Variants in PRKG2 observed in about 807,000 individuals in gnomAD.
PRKG2 encodes the protein cGMP-dependent protein kinase 2.
Under a neutral mutation model 97.2 loss-of-function variants are expected in PRKG2, and 33 were observed. The ratio of observed to expected loss-of-function variants is 0.34; its 90% CI spans 0.26 to 0.45. PRKG2 has a LOEUF of 0.45. PRKG2 is among the 20% of genes least tolerant of loss of function. The pLI, the probability that PRKG2 is intolerant of heterozygous loss-of-function variation, is 1.00. For missense variants in PRKG2, 638 were observed against 900.0 expected, an observed-to-expected ratio of 0.71 and a Z score of 3.73; for synonymous variants, 330 against 321.8, an observed-to-expected ratio of 1.03 and a Z score of -0.27.
chr4:81,144,788 T>C (rs1747695459), intron 9 of PRKG2, among the ~76,000 whole-genome samples: 2 of 123,588 alleles, frequency 1.6e-5, no homozygotes. Flanking sequence ...CCCCGGTGTG[T>C]CATGTTCCCC....
chr4:81,167,244 C>A lies in PRKG2; in HGVS notation c.849-20G>T, dbSNP rs766217042. On this transcript the variant is annotated intron_variant, in intron 5 of 18. Transcript: ENST00000264399. Reference sequence around the variant, plus strand: ...GATACACTTCAAAATTAAAAAGAAACCTTCAATTACCTTCCTGAATTAAAC... The same window carrying A: ...GATACACTTCAAAATTAAAAAGAAAACTTCAATTACCTTCCTGAATTAAAC... 3 of 1,439,788 alleles carry A rather than the reference C, an allele frequency of 2.1e-6. No individual in the cohort carries two copies. The highest frequency in any genetic ancestry group is 1.3e-5 in the South Asian group (1 of 79,260). The allele number at this position is 1,439,788 out of a possible 1,614,324, so 89.2% of individuals were successfully genotyped here.
intron 1 of PRKG2, among the ~76,000 whole-genome samples, chr4:81,205,602 G>A (rs953043745): frequency 1.3e-5 from 2 of 152,176 alleles, no homozygotes; most frequent in Non-Finnish European, 2.9e-5. Flanking sequence ...CCTGCTGTAT[G>A]TATCTATTAA....
intron 4 of PRKG2, among the ~76,000 whole-genome samples, chr4:81,170,366 TA>T (rs1271459449): frequency 6.6e-6 from 1 of 152,086 alleles, no homozygotes; most frequent in African/African-American, 2.4e-5. Flanking sequence ...GTATAAAATT[TA>T]AAAAGAAAGT....
chr4:81,096,736 A>G (rs767569018), intron 17 of PRKG2, among the ~76,000 whole-genome samples: 4 of 152,166 alleles, frequency 2.6e-5, no homozygotes, highest in African/African-American at 9.7e-5. Context: ...TCATCTGTTC[A>G]AGTTTCATCA....
At position 81,204,995 on chromosome 4, in the gene PRKG2, G is replaced by A. The variant is rs755518936; in HGVS notation, c.53C>T (p.Ser18Phe). 1.2e-6 allele frequency: 2 copies of A among 1,613,882 alleles called. No homozygotes were observed. The highest frequency in any genetic ancestry group is 8.5e-7 in the Non-Finnish European group (1 of 1,180,002). The change falls in exon 2 of 19, where the codon TCT becomes TTT. Residue 18 changes from serine (S) to phenylalanine (F), a missense_variant. Coordinates refer to ENST00000264399, the MANE Select transcript of PRKG2 (RefSeq NM_006259.3). ...CAGAGCATCAGTGGTGAGGTTCCCA[G>A]AGTGTCCATCTGGGTGCTTAGAATG... The part of the protein sequence containing the change: ...PKHSKHPDGH[S>F]GNLTTDALRN...
At chr4:81,209,567 T>C (rs898054824) in intron 1 of PRKG2, among the ~76,000 whole-genome samples, 3 of 152,050 alleles carry the variant, frequency 2.0e-5, no homozygotes, top group African/African-American at 4.8e-5. Context: ...CATAGAGAGA[T>C]AGACAAAACA....
chr4:81,195,018 T>C (rs889483393), intron 2 of PRKG2, among the ~76,000 whole-genome samples: 3 of 152,124 alleles, frequency 2.0e-5, no homozygotes, highest in Non-Finnish European at 2.9e-5. Context: ...CAGGCATCAG[T>C]ACTTCTTATT....
Position 81,087,990 on chromosome 4 carries a change from A to T in PRKG2, c.*1718T>A, listed in dbSNP as rs953146180. 4 of 152,278 alleles carry T rather than the reference A, an allele frequency of 2.6e-5. No individual in the cohort carries two copies. Among genetic ancestry groups the T allele is most frequent in the African/African-American group, 9.6e-5 (4 of 41,586 alleles). The allele number at this position is 152,278 out of a possible 1,614,324, so 9.4% of individuals were successfully genotyped here. A position where few individuals can be genotyped will look rare whatever the true frequency, so the allele number is the denominator to read the frequency against. The stretch of plus-strand genomic sequence containing the variant: ...TTCTATCTTTATAGGTTGGAAATTT[A>T]AAAATATATACATGGAAAAACATAC... On this transcript the variant is annotated 3_prime_UTR_variant, in exon 19 of 19. Coordinates refer to ENST00000264399, the MANE Select transcript of PRKG2 (RefSeq NM_006259.3).
chr4:81,174,296 T>A (rs1007692104), intron 3 of PRKG2, among the ~76,000 whole-genome samples: 1 of 152,096 alleles, frequency 6.6e-6, no homozygotes, highest in African/African-American at 2.4e-5. Flanking sequence ...AGAACCACAA[T>A]AATAATTGTT....
At position 81,153,827 on chromosome 4, in the gene PRKG2, G is replaced by C; in HGVS notation, c.913-106C>G. On this transcript the variant is annotated intron_variant, in intron 6 of 18. Coordinates refer to ENST00000264399, the MANE Select transcript of PRKG2 (RefSeq NM_006259.3). Reference sequence around the variant, plus strand: ...CCCAGCGTGAGCGGCGCAGAAGACGGGTGATTTCTGTATTTCCATCTGAGG... The same window carrying C: ...CCCAGCGTGAGCGGCGCAGAAGACGCGTGATTTCTGTATTTCCATCTGAGG... 9.3e-6 allele frequency: 7 copies of C among 755,488 alleles called. No individual in the cohort carries two copies. The South Asian group carries it at 1.1e-4, about 12-fold the overall frequency. 46.8% of individuals were successfully genotyped at this position (755,488 alleles called of 1,614,324 possible). A position where few individuals can be genotyped will look rare whatever the true frequency, so the allele number is the denominator to read the frequency against.
At chr4:81,140,105 T>C (rs1329807486) in intron 12 of PRKG2, among the ~76,000 whole-genome samples, 1 of 152,022 alleles carries the variant, frequency 6.6e-6, no homozygotes, top group African/African-American at 2.4e-5. Context: ...ATCAAAGCAA[T>C]TGAATTCATG....
chr4:81,192,332 A>C (rs571700967), intron 2 of PRKG2: 11 of 152,216 alleles, frequency 7.2e-5, no homozygotes, highest in Non-Finnish European at 1.6e-4. Flanking sequence ...GAAAGAGGGC[A>C]TGAGGGGCTT....
chr4:81,155,953 C>T (rs540009330), intron 6 of PRKG2, among the ~76,000 whole-genome samples: 7,807 of 151,860 alleles, frequency 0.051, 684 homozygotes, highest in African/African-American at 0.18. Flanking sequence ...AAGGAACAAC[C>T]GGTACCAGCC....
At chr4:81,198,416 A>C (rs1038695198) in intron 2 of PRKG2, among the ~76,000 whole-genome samples, 2 of 152,112 alleles carry the variant, frequency 1.3e-5, no homozygotes, top group African/African-American at 4.8e-5. Flanking sequence ...GCTGCCACTT[A>C]ATTCCAGTCA....
chr4:81,153,791 A>G (rs1446524448), intron 6 of PRKG2, 70 bp from the exon 7 acceptor site: 79 of 1,071,622 alleles, frequency 7.4e-5, no homozygotes, highest in Non-Finnish European at 1.1e-4. Flanking sequence ...GAACAGCTCC[A>G]GTATACAGCT....
At chr4:81,154,946 G>A (rs1010129584) in intron 6 of PRKG2, among the ~76,000 whole-genome samples, 7 of 151,938 alleles carry the variant, frequency 4.6e-5, no homozygotes, top group Non-Finnish European at 7.4e-5. Flanking sequence ...AGGCCGAGGC[G>A]GGCAGATCAC....
intron 14 of PRKG2, 35 bp from the exon 15 acceptor site, chr4:81,110,646 C>T (rs1743805994): frequency 6.2e-7 from 1 of 1,609,190 alleles, no homozygotes; most frequent in South Asian, 1.1e-5. Context: ...GTGCAGAAAC[C>T]ATAAAACTCA....
At chr4:81,189,473 A>G (rs1752269948) in intron 2 of PRKG2, among the ~76,000 whole-genome samples, 1 of 143,216 alleles carries the variant, frequency 7.0e-6, no homozygotes, top group Non-Finnish European at 1.5e-5. Flanking sequence ...GACATGGATG[A>G]AACTGGAAAT....
chr4:81,107,962 T>G (rs959457158), intron 15 of PRKG2, among the ~76,000 whole-genome samples: 1 of 152,032 alleles, frequency 6.6e-6, no homozygotes, highest in Non-Finnish European at 1.5e-5. Flanking sequence ...CCTAGCACTT[T>G]GAGAGAATGA....
Sources: gnomAD v4.1 joint callset for allele counts (sites outside exome capture counted in the v4.1 genomes callset) on GRCh38, gnomAD v4.1.1 for gene constraint, MANE v1.5 for transcripts, NCBI Gene and HGNC (gene_info 2026-07-23, HGNC 2026-07-21) for gene names.